MFSD2A: variants seen among roughly 807,000 people sequenced by gnomAD.
MFSD2A encodes the protein sodium-dependent lysophosphatidylcholine symporter 1.
MFSD2A carries 27 observed loss-of-function variants against 64.7 expected under a neutral mutation model. The ratio of observed to expected loss-of-function variants is 0.42; its 90% CI spans 0.31 to 0.58. The LOEUF (loss-of-function observed/expected upper bound fraction) is 0.58. Ranked by LOEUF, MFSD2A falls within the 20% of genes least tolerant of loss-of-function variation. The pLI, the probability that MFSD2A is intolerant of heterozygous loss-of-function variation, is 0.18. For missense variants in MFSD2A, 474 were observed against 679.5 expected, an observed-to-expected ratio of 0.70 and a Z score of 3.36; for synonymous variants, 258 against 273.4, an observed-to-expected ratio of 0.94 and a Z score of 0.55.
intron 9 of MFSD2A, chr1:39,967,420 T>C: frequency 3.2e-6 from 2 of 628,730 alleles, no homozygotes; most frequent in South Asian, 3.9e-5. Flanking sequence ...CTCAGAGGTT[T>C]GAGAGGGCAG....
intron 13 of MFSD2A, 36 bp from the exon 14 acceptor site, chr1:39,969,469 A>T (rs751956939): frequency 1.1e-5 from 17 of 1,581,928 alleles, no homozygotes; most frequent in Non-Finnish European, 1.0e-5. Flanking sequence ...GTAAGGATGG[A>T]TGCTTCCTCC....
At chr1:39,961,618 A>G (rs1024263097) in intron 3 of MFSD2A, among the ~76,000 whole-genome samples, 9 of 152,140 alleles carry the variant, frequency 5.9e-5, no homozygotes, top group Non-Finnish European at 2.9e-5. Context: ...AAGTGCTGGG[A>G]TTACAGGCGT....
rs1401336405 is a variant in MFSD2A, at chr1:39,955,537, G to A, written c.93+152G>A. On this transcript the variant is annotated intron_variant, in intron 1 of 13. Transcript: ENST00000372811. The surrounding 1 kb of genome is among the most constrained non-coding windows in gnomAD (Gnocchi z 5.9). ...CCAGAGAGGACCTGGGGGTGCCCTG[G>A]GACAGGGGGTGACGGAGAAAAGCTG... 1 of 841,174 alleles carries A rather than the reference G, an allele frequency of 1.2e-6. No homozygotes were observed. Among genetic ancestry groups the A allele is most frequent in the Non-Finnish European group, 1.9e-6 (1 of 514,986 alleles). 52.1% of individuals were successfully genotyped at this position (841,174 alleles called of 1,614,324 possible). A position where few individuals can be genotyped will look rare whatever the true frequency, so the allele number is the denominator to read the frequency against.
intron 3 of MFSD2A, among the ~76,000 whole-genome samples, chr1:39,962,093 G>T (rs957507292): frequency 1.3e-5 from 2 of 152,240 alleles, no homozygotes; most frequent in African/African-American, 4.8e-5. Flanking sequence ...TCAATCCTGT[G>T]AACTAGAGCC....
At position 39,955,508 on chromosome 1, in the gene MFSD2A, C is replaced by T; in HGVS notation, c.93+123C>T. ...GGGATAGCCAGGGACAGGAAGCCTACGAGCCAGAGAGGACCTGGGGGTGCC... is the reference window on the plus strand; with the variant it reads ...GGGATAGCCAGGGACAGGAAGCCTATGAGCCAGAGAGGACCTGGGGGTGCC... On this transcript the variant is annotated intron_variant, in intron 1 of 13. Coordinates refer to ENST00000372811, the MANE Select transcript of MFSD2A (RefSeq NM_032793.5). The surrounding 1 kb of genome is among the most constrained non-coding windows in gnomAD (Gnocchi z 5.9). 1.8e-6 allele frequency: 2 copies of T among 1,091,404 alleles called. No individual in the cohort carries two copies. Among genetic ancestry groups the T allele is most frequent in the Non-Finnish European group, 2.7e-6 (2 of 741,878 alleles). 67.6% of individuals were successfully genotyped at this position (1,091,404 alleles called of 1,614,324 possible).
chr1:39,960,426 C>G lies in MFSD2A; in HGVS notation c.353+1601C>G, dbSNP rs1240163620. 6.6e-6 allele frequency among the ~76,000 whole-genome samples: 1 copy of G among 151,888 alleles called. No individual in the cohort carries two copies. Among genetic ancestry groups the G allele is most frequent in the Admixed American group, 6.5e-5 (1 of 15,268 alleles). On this transcript the variant is annotated intron_variant, in intron 3 of 13. Coordinates refer to ENST00000372811, the MANE Select transcript of MFSD2A (RefSeq NM_032793.5). This position sits in a 1 kb window ranked among gnomAD's most constrained non-coding sequence, Gnocchi z 4.8. The stretch of plus-strand genomic sequence containing the variant: ...CCCCTGGCTAAGGCCCAGGTTGGAG[C>G]CTTTGATCCAGTCTTCAGGGCCGGG...
rs748591857 is a variant in MFSD2A at position 39,966,940 on chromosome 1, G to C, written c.927+8G>C. 1 of 1,613,038 alleles carries C rather than the reference G, an allele frequency of 6.2e-7. No individual in the cohort carries two copies. Among genetic ancestry groups the C allele is most frequent in the Non-Finnish European group, 8.5e-7 (1 of 1,180,034 alleles). ...ACCTCCTTGGCTTTCATGGTGAGTG[G>C]GTTCTGACATGCTCAGCCTGAGAAG... On this transcript the variant is annotated splice_region_variant and intron_variant, in intron 8 of 13. Transcript: ENST00000372811.
chr1:39,964,930 A>G lies in MFSD2A; in HGVS notation c.354-281A>G, dbSNP rs986524182. The G allele has an allele frequency of 2.1e-6, 1 of 478,034 alleles. No homozygotes were observed. Among genetic ancestry groups the G allele is most frequent in the Admixed American group, 3.5e-5 (1 of 28,648 alleles). The allele number at this position is 478,034 out of a possible 1,614,324, so 29.6% of individuals were successfully genotyped here. A position where few individuals can be genotyped will look rare whatever the true frequency, so the allele number is the denominator to read the frequency against. The stretch of plus-strand genomic sequence containing the variant: ...GTCTTGGACTCCTGTCCTAACTCTC[A>G]GCCCATTAGAGGCTGCTGCCTCTGG... On this transcript the variant is annotated intron_variant, in intron 3 of 13. Transcript: ENST00000372811. The surrounding 1 kb of genome is among the most constrained non-coding windows in gnomAD (Gnocchi z 4.1).
rs1645008934 is a variant in MFSD2A, at chr1:39,960,295, GGGGCGCCCATA to G, written c.353+1471_353+1481del. On this transcript the variant is annotated intron_variant, in intron 3 of 13. Transcript: ENST00000372811. The surrounding 1 kb of genome is among the most constrained non-coding windows in gnomAD (Gnocchi z 4.8). ...CTTAAGTGGGCGCCTTCCTGCCCCA[GGGGCGCCCATA>G]CCTGGCCTCCGGCCTTCAAAGCTCT... Among the ~76,000 whole-genome samples, 1 of 152,196 alleles carries G rather than the reference GGGGCGCCCATA, an allele frequency of 6.6e-6. No homozygotes were observed. The highest frequency in any genetic ancestry group is 2.4e-5 in the African/African-American group (1 of 41,470).
In MFSD2A at chr1:39,968,050, C is replaced by G; in HGVS notation, c.1208+134C>G. The G allele has an allele frequency of 1.5e-6, 1 of 647,114 alleles. No individual in the cohort carries two copies. The highest frequency in any genetic ancestry group is 2.7e-6 in the Non-Finnish European group (1 of 376,788). 40.1% of individuals were successfully genotyped at this position (647,114 alleles called of 1,614,324 possible). A position where few individuals can be genotyped will look rare whatever the true frequency, so the allele number is the denominator to read the frequency against. The stretch of plus-strand genomic sequence containing the variant: ...GGTCCAGGTTAGGAGTGGGGGAGGT[C>G]TGTCCTGTACAGTTGTACAGGTAGT... On this transcript the variant is annotated intron_variant, in intron 11 of 13. Coordinates refer to ENST00000372811, the MANE Select transcript of MFSD2A (RefSeq NM_032793.5). The surrounding 1 kb of genome is among the most constrained non-coding windows in gnomAD (Gnocchi z 4.4).
rs1644972508 is a variant in MFSD2A, at chr1:39,958,491, T to A, written c.229-210T>A. Among the ~76,000 whole-genome samples, 1 of 152,024 alleles carries A rather than the reference T, an allele frequency of 6.6e-6. No individual in the cohort carries two copies. The highest frequency in any genetic ancestry group is 1.5e-5 in the Non-Finnish European group (1 of 68,000). On this transcript the variant is annotated intron_variant, in intron 2 of 13. Coordinates refer to ENST00000372811, the MANE Select transcript of MFSD2A (RefSeq NM_032793.5). The surrounding 1 kb of genome is among the most constrained non-coding windows in gnomAD (Gnocchi z 4.7). ...TTAAGGAGACAGAGCTGGGAAAGCT[T>A]CTAAGGAGGCACCCAGTGCTACTGT...
chr1:39,961,563 G>A (rs529142578), intron 3 of MFSD2A, among the ~76,000 whole-genome samples: 1 of 151,820 alleles, frequency 6.6e-6, no homozygotes, highest in African/African-American at 2.4e-5. Context: ...TAGCCAAGAT[G>A]GTCTCGATCT....
intron 3 of MFSD2A, chr1:39,962,855 G>A: frequency 6.4e-7 from 1 of 1,558,866 alleles, no homozygotes; most frequent in Non-Finnish European, 8.7e-7. Flanking sequence ...CCTCTCTCAA[G>A]GATGAGGTTT....
chr1:39,962,492 AT>A (rs1451591749), intron 3 of MFSD2A, among the ~76,000 whole-genome samples: 3 of 152,234 alleles, frequency 2.0e-5, no homozygotes, highest in Middle Eastern at 3.2e-3. Flanking sequence ...GTAACATAAA[AT>A]TTACCATAAC....
At chr1:39,962,672 G>A in intron 3 of MFSD2A, 1 of 780,940 alleles carries the variant, frequency 1.3e-6, no homozygotes, top group Non-Finnish European at 2.2e-6. Context: ...GCCGTGGACG[G>A]GGCCCGGGCC....
At position 39,963,246 on chromosome 1, in the gene MFSD2A, G is replaced by C; in HGVS notation, c.354-1965G>C. 6.4e-7 allele frequency: 1 copy of C among 1,555,844 alleles called. No homozygotes were observed. Among genetic ancestry groups the C allele is most frequent in the Non-Finnish European group, 8.7e-7 (1 of 1,143,922 alleles). The stretch of plus-strand genomic sequence containing the variant: ...AGCCCGGGGCTGCACTGCCACCCTG[G>C]GCAGCTTTGCCAAGGGCACCTTTGA... On this transcript the variant is annotated intron_variant, in intron 3 of 13. Coordinates refer to ENST00000372811, the MANE Select transcript of MFSD2A (RefSeq NM_032793.5). This position sits in a 1 kb window ranked among gnomAD's most constrained non-coding sequence, Gnocchi z 4.2.
chr1:39,969,154 C>A (rs2124784203), intron 13 of MFSD2A, among the ~76,000 whole-genome samples: 1 of 152,300 alleles, frequency 6.6e-6, no homozygotes, highest in Non-Finnish European at 1.5e-5. Flanking sequence ...GTTTGAGCCT[C>A]AGCATTCCGG....
intron 9 of MFSD2A, 75 bp downstream of exon 9, chr1:39,967,244 C>A: frequency 1.5e-6 from 2 of 1,347,236 alleles, no homozygotes; most frequent in South Asian, 1.2e-5. Flanking sequence ...TTGGAATAGG[C>A]AGAGGATGTT....
Position 39,960,103 on chromosome 1 carries a change from G to A in MFSD2A, c.353+1278G>A, listed in dbSNP as rs1645002490. ...CCTTCTCCCTTGGTACAAAGCCTGT[G>A]CTACTCAGCTTCAGGGGCAAAGTAG... On this transcript the variant is annotated intron_variant, in intron 3 of 13. Coordinates refer to ENST00000372811, the MANE Select transcript of MFSD2A (RefSeq NM_032793.5). The surrounding 1 kb of genome is among the most constrained non-coding windows in gnomAD (Gnocchi z 4.8). Among the ~76,000 whole-genome samples, 1 of 152,260 alleles carries A rather than the reference G, an allele frequency of 6.6e-6. No individual in the cohort carries two copies. The highest frequency in any genetic ancestry group is 1.5e-5 in the Non-Finnish European group (1 of 68,048).
Sources: gnomAD v4.1 joint callset for allele counts (sites outside exome capture counted in the v4.1 genomes callset) on GRCh38, gnomAD v4.1.1 for gene constraint, Gnocchi (gnomAD v3.1) non-coding constraint, MANE v1.5 for transcripts, NCBI Gene and HGNC (gene_info 2026-07-23, HGNC 2026-07-21) for gene names.